KAT6A: variants seen among roughly 807,000 people sequenced by gnomAD.
KAT6A encodes the protein lysine acetyltransferase 6A, also known as histone acetyltransferase KAT6A.
KAT6A carries 9 observed loss-of-function variants against 198.4 expected under a neutral mutation model. The observed-to-expected ratio is 0.05, with a 90% CI of 0.03 to 0.08. The LOEUF (loss-of-function observed/expected upper bound fraction) is 0.08. Among genes scored for constraint, KAT6A ranks in the 10% least tolerant of loss-of-function variants. The pLI is 1.00. For synonymous variants in KAT6A, 890 were observed against 883.0 expected (o/e 1.01, Z -0.14); for missense variants, 2,077 against 2,509.9 (o/e 0.83, Z 3.69).
intron 2 of KAT6A, among the ~76,000 whole-genome samples, chr8:42,022,188 G>A (rs1271839099): frequency 6.6e-6 from 1 of 151,904 alleles, no homozygotes; most frequent in African/African-American, 2.4e-5. Context: ...TCAAATACAG[G>A]TACTACATAA....
chr8:41,940,892 G>A lies in KAT6A; in HGVS notation c.2989C>T (p.Pro997Ser), dbSNP rs1044282559. The change falls in exon 15 of 17, where the codon CCT (proline) becomes TCT (serine). Residue 997 changes from proline (P) to serine (S), a missense_variant. This residue lies in a region of KAT6A where 301 missense variants were observed against 272.2 expected (regional missense o/e 1.11). Transcript: ENST00000265713. ...AGAATTGGTGGCGAGCTTGACCGAG[G>A]GCTTTCCGGCTCCTCCTCCTCCTCG... ...SSEEEEEPES[P>S]RSSSPPILTK... is the part of the protein sequence containing the mutation. 4 of 1,613,762 alleles carry A rather than the reference G, an allele frequency of 2.5e-6. No homozygotes were observed. Among genetic ancestry groups the A allele is most frequent in the Admixed American group, 1.7e-5 (1 of 60,008 alleles).
intron 2 of KAT6A, among the ~76,000 whole-genome samples, chr8:42,027,584 G>C (rs1826885937): frequency 1.3e-5 from 2 of 152,128 alleles, no homozygotes; most frequent in Admixed American, 1.3e-4. Flanking sequence ...TTAGCATACA[G>C]TTGTTCATAA....
intron 2 of KAT6A, among the ~76,000 whole-genome samples, chr8:41,998,737 C>A (rs919148642): frequency 5.3e-5 from 8 of 152,040 alleles, no homozygotes; most frequent in African/African-American, 1.9e-4. Flanking sequence ...ACTTTAATCT[C>A]TTTAAATTCT....
chr8:41,937,719 T>A, intron 15 of KAT6A, 151 bp from the exon 16 acceptor site: 1 of 620,054 alleles, frequency 1.6e-6, no homozygotes, highest in Non-Finnish European at 2.8e-6. Flanking sequence ...TTCAAAATAC[T>A]ATAGTAAGAT....
chr8:42,051,183 C>T (rs1248616555), intron 1 of KAT6A, among the ~76,000 whole-genome samples: 2 of 152,056 alleles, frequency 1.3e-5, no homozygotes, highest in African/African-American at 2.4e-5. Flanking sequence ...GGCTCGAGGG[C>T]GGCGCGGGTT....
At chr8:42,012,212 A>C (rs567488128) in intron 2 of KAT6A, among the ~76,000 whole-genome samples, 1 of 152,344 alleles carries the variant, frequency 6.6e-6, no homozygotes, top group South Asian at 2.1e-4. Flanking sequence ...TAAAAGTTAA[A>C]CATACCATTA....
intron 8 of KAT6A, among the ~76,000 whole-genome samples, chr8:41,970,518 C>T (rs984584041): frequency 2.0e-5 from 3 of 152,196 alleles, no homozygotes; most frequent in Admixed American, 2.0e-4. Flanking sequence ...CATTCAATAT[C>T]CATTCATTAA....
In KAT6A at chr8:41,977,320, C is replaced by A. The variant is rs1300506921; in HGVS notation, c.1051G>T (p.Gly351Cys). The stretch of plus-strand genomic sequence containing the variant: ...CCAGTTCGAACTTTGCTGAAGGGAC[C>A]TTTTGATCTAAACAATTAAACAGGG... ...RLKKQNTVSK[G>C]PFSKVRTGPG... Residue 351 changes from glycine to cysteine, a missense_variant, in exon 7 of 17, where the codon GGT (glycine) becomes TGT (cysteine). Physicochemically the swap from Gly to Cys is radical, Grantham distance 159. Around this residue, in one of 13 missense-constraint regions of KAT6A, gnomAD observed 206 missense variants for 214.9 expected, o/e 0.96. Transcript: ENST00000265713. 2 of 1,611,060 alleles carry A rather than the reference C, an allele frequency of 1.2e-6. No homozygotes were observed. The highest frequency in any genetic ancestry group is 1.1e-5 in the South Asian group (1 of 90,952).
chr8:42,022,672 A>G (rs117888423), intron 2 of KAT6A, among the ~76,000 whole-genome samples: 1,648 of 152,344 alleles, frequency 0.011, 10 homozygotes, highest in Non-Finnish European at 0.018. Context: ...TATCAAAATT[A>G]TAACGCCATA....
chr8:42,031,929 T>C (rs1022171015), intron 2 of KAT6A, among the ~76,000 whole-genome samples: 3 of 150,392 alleles, frequency 2.0e-5, no homozygotes, highest in African/African-American at 7.3e-5. Context: ...CCATGCCTGG[T>C]CGTACTTTTT....
chr8:41,972,283 C>T (rs1452958765), intron 8 of KAT6A, among the ~76,000 whole-genome samples: 1 of 152,028 alleles, frequency 6.6e-6, no homozygotes, highest in Admixed American at 6.6e-5. Flanking sequence ...TAATGTTTGG[C>T]CACCAACAAA....
chr8:41,977,486 AAT>A (rs1427057414), intron 6 of KAT6A, 159 bp from the exon 7 acceptor site: 1 of 503,318 alleles, frequency 2.0e-6, no homozygotes, highest in Non-Finnish European at 3.4e-6. Flanking sequence ...TGTGAATGAA[AAT>A]TAATATTATT....
chr8:42,034,421 G>C (rs1401572447), intron 2 of KAT6A, among the ~76,000 whole-genome samples: 1 of 152,152 alleles, frequency 6.6e-6, no homozygotes, highest in African/African-American at 2.4e-5. Flanking sequence ...GCATTATGAA[G>C]AAGTGGCAAT....
At chr8:41,954,344 T>C (rs1564019937) in intron 9 of KAT6A, among the ~76,000 whole-genome samples, 1 of 152,216 alleles carries the variant, frequency 6.6e-6, no homozygotes, top group Non-Finnish European at 1.5e-5. Flanking sequence ...ATTTTGCTAA[T>C]ATTTTGGCCA....
Position 41,934,335 on chromosome 8 carries a change from C to T in KAT6A, c.3885G>A (p.Glu1295=), listed in dbSNP as rs1454007394. The T allele has an allele frequency of 2.5e-6, 4 of 1,613,922 alleles. No homozygotes were observed. Among genetic ancestry groups the T allele is most frequent in the African/African-American group, 1.3e-5 (1 of 74,872 alleles). ...QSEEEQQELE[E]PEPEEEEDAA... ...CATCTTCCTCCTCCTCTGGCTCTGG[C>T]TCCTCTAATTCCTGCTGCTCCTCCT... The change falls in exon 17 of 17, where the codon GAG becomes GAA. Residue 1295 remains glutamate, a synonymous_variant. Transcript: ENST00000265713.
intron 9 of KAT6A, 84 bp downstream of exon 9, chr8:41,955,211 TG>T: frequency 1.2e-6 from 1 of 834,146 alleles, no homozygotes; most frequent in Non-Finnish European, 2.0e-6. Flanking sequence ...AAGGATAAGG[TG>T]GACTCAAACA....
intron 9 of KAT6A, among the ~76,000 whole-genome samples, chr8:41,954,318 G>T (rs1426353014): frequency 6.6e-6 from 1 of 152,180 alleles, no homozygotes; most frequent in Non-Finnish European, 1.5e-5. Context: ...TCAACATATT[G>T]TAAGGTACTA....
chr8:42,013,460 C>G (rs1278095716), intron 2 of KAT6A, among the ~76,000 whole-genome samples: 2 of 152,128 alleles, frequency 1.3e-5, no homozygotes, highest in Non-Finnish European at 2.9e-5. Flanking sequence ...GTCTCCATCT[C>G]TTGACCTCAT....
At chr8:42,013,110 T>C (rs1288072487) in intron 2 of KAT6A, among the ~76,000 whole-genome samples, 2 of 151,890 alleles carry the variant, frequency 1.3e-5, no homozygotes, top group African/African-American at 4.8e-5. Context: ...CTTTCCTATA[T>C]CTTGATTGTG....
Sources: allele counts gnomAD v4.1 joint callset (sites outside exome capture counted in the v4.1 genomes callset), GRCh38; gene constraint gnomAD v4.1.1; regional missense constraint gnomAD v4.1.1; transcripts MANE v1.5; gene names NCBI Gene and HGNC (gene_info 2026-07-23, HGNC 2026-07-21).